Variants in ARMC2 observed in about 807,000 individuals in gnomAD.
ARMC2 encodes the protein armadillo repeat-containing protein 2.
Under a neutral mutation model 90.3 loss-of-function variants are expected in ARMC2, and 67 were observed. That is an observed-to-expected ratio of 0.74 (90% CI 0.61 to 0.91). ARMC2 has a LOEUF of 0.91. ARMC2 is among the 40% of genes least tolerant of loss of function. The probability of loss-of-function intolerance (pLI) is 0.00; values close to 1 mark genes in which losing one functional copy is unlikely to be tolerated. For missense variants in ARMC2, 920 were observed against 1,030.9 expected, an observed-to-expected ratio of 0.89 and a Z score of 1.47; for synonymous variants, 393 against 393.0, an observed-to-expected ratio of 1.00 and a Z score of 0.00.
At chr6:109,009,003 G>A in the ARMC2 span, 5 of 1,023,736 alleles carry the variant, frequency 4.9e-6, no homozygotes, top group Non-Finnish European at 5.9e-6. Flanking sequence ...CAAGACTCGA[G>A]GTCTGCTGGA....
intron 8 of ARMC2, chr6:108,907,993 C>G: frequency 1.1e-6 from 1 of 917,810 alleles, no homozygotes. Flanking sequence ...TTCCCATTTC[C>G]TATTTTCCTC....
At chr6:109,009,617 C>A in the ARMC2 span, 1 of 1,001,746 alleles carries the variant, frequency 1.0e-6, no homozygotes. Context: ...CGTCATTTCA[C>A]CGCCCTGGCG....
chr6:108,988,991 C>T, the ARMC2 span, among the ~76,000 whole-genome samples: 4 of 152,134 alleles, frequency 2.6e-5, no homozygotes, highest in Non-Finnish European at 5.9e-5. Context: ...ATCATGAACA[C>T]GTAGCCACAC....
At chr6:108,977,345 A>G (rs1779002698), downstream of ARMC2, among the ~76,000 whole-genome samples, 1 of 152,222 alleles carries the variant, frequency 6.6e-6, no homozygotes, top group Non-Finnish European at 1.5e-5. Context: ...CCAGAGGTGA[A>G]GCCAACTTGA....
the ARMC2 span, among the ~76,000 whole-genome samples, chr6:109,002,744 T>G: frequency 6.6e-6 from 1 of 152,166 alleles, no homozygotes; most frequent in Non-Finnish European, 1.5e-5. Flanking sequence ...AAGCAGTACT[T>G]CCACCTAGGT....
chr6:108,858,710 G>T (rs929753006), intron 3 of ARMC2, among the ~76,000 whole-genome samples: 8 of 151,614 alleles, frequency 5.3e-5, no homozygotes, highest in African/African-American at 1.7e-4. Flanking sequence ...TGTATTCAAA[G>T]ATTTATTACA....
At chr6:109,049,308 T>C in the ARMC2 span, among the ~76,000 whole-genome samples, 1 of 151,618 alleles carries the variant, frequency 6.6e-6, no homozygotes, top group African/African-American at 2.4e-5. Flanking sequence ...CTCACTCATA[T>C]GTGAAAGCCA....
rs200548307 is a variant in ARMC2 at position 108,928,277 on chromosome 6, G to C, written c.1496+44G>C. On this transcript the variant is annotated intron_variant, in intron 11 of 17. Coordinates refer to ENST00000392644, the MANE Select transcript of ARMC2 (RefSeq NM_032131.6). Reference sequence around the variant, plus strand: ...GAAGTAGCCTTACAAAAATGCTAATGCTTAGATTTGGGGTTATCTTTAATA... The same window carrying C: ...GAAGTAGCCTTACAAAAATGCTAATCCTTAGATTTGGGGTTATCTTTAATA... The C allele has an allele frequency of 1.3e-5, 19 of 1,420,336 alleles. No individual in the cohort carries two copies. The East Asian group carries it at 4.9e-4, about 36-fold the overall frequency. The allele number at this position is 1,420,336 out of a possible 1,614,324, so 88.0% of individuals were successfully genotyped here. A position where few individuals can be genotyped will look rare whatever the true frequency, so the allele number is the denominator to read the frequency against.
At chr6:108,964,957 C>T (rs1255856139) in intron 16 of ARMC2, 23 bp from the exon 17 acceptor site, 1 of 1,555,710 alleles carries the variant, frequency 6.4e-7, no homozygotes, top group African/African-American at 1.4e-5. Context: ...AATAACTTCT[C>T]AATTTGAATT....
intron 3 of ARMC2, among the ~76,000 whole-genome samples, chr6:108,860,870 T>C (rs1390405677): frequency 1.3e-5 from 2 of 152,218 alleles, no homozygotes; most frequent in South Asian, 4.1e-4. Context: ...GATGTTAAAG[T>C]CTGGTTGCTA....
chr6:108,985,759 T>G, the ARMC2 span, among the ~76,000 whole-genome samples: 3 of 152,164 alleles, frequency 2.0e-5, no homozygotes, highest in African/African-American at 7.2e-5. Flanking sequence ...ATTTTAACTA[T>G]CTTCTTGGGT....
the ARMC2 span, chr6:108,988,630 A>C: frequency 6.2e-7 from 1 of 1,612,866 alleles, no homozygotes; most frequent in Non-Finnish European, 8.5e-7. Flanking sequence ...TTTTGATATA[A>C]ACTTTAAAGC....
chr6:109,025,481 A>G, the ARMC2 span, among the ~76,000 whole-genome samples: 1 of 151,148 alleles, frequency 6.6e-6, no homozygotes, highest in African/African-American at 2.4e-5. Context: ...GACTACAGGA[A>G]ACAATAATCA....
chr6:108,941,479 G>T (rs567113876), intron 12 of ARMC2, among the ~76,000 whole-genome samples: 1 of 152,190 alleles, frequency 6.6e-6, no homozygotes, highest in Non-Finnish European at 1.5e-5. Context: ...GCATGCCAGG[G>T]CATTGTTTAA....
chr6:109,007,622 C>T, the ARMC2 span, among the ~76,000 whole-genome samples: 45 of 148,508 alleles, frequency 3.0e-4, no homozygotes, highest in African/African-American at 6.1e-4. Flanking sequence ...TGGGAGATTG[C>T]CTATAGCTGG....
At chr6:109,038,911 AAGG>A in the ARMC2 span, among the ~76,000 whole-genome samples, 518 of 149,890 alleles carry the variant, frequency 3.5e-3, 1 homozygote, top group African/African-American at 8.9e-3. Context: ...AGAAAAAAGG[AAGG>A]AGGAGGAGGA....
At chr6:108,927,206 G>C (rs1376170149) in intron 10 of ARMC2, among the ~76,000 whole-genome samples, 1 of 152,204 alleles carries the variant, frequency 6.6e-6, no homozygotes, top group African/African-American at 2.4e-5. Context: ...AAATGGGGAA[G>C]TGGAGGAAGG....
chr6:108,927,091 T>A (rs1488098866), intron 10 of ARMC2, among the ~76,000 whole-genome samples: 1 of 152,212 alleles, frequency 6.6e-6, no homozygotes, highest in East Asian at 1.9e-4. Flanking sequence ...CATGATGCTT[T>A]ACAGTATTAG....
the ARMC2 span, among the ~76,000 whole-genome samples, chr6:109,004,196 A>T: frequency 1.3e-5 from 2 of 152,210 alleles, no homozygotes; most frequent in African/African-American, 4.8e-5. Flanking sequence ...AAAACATTAT[A>T]GTACTAGAAG....
Sources: allele counts gnomAD v4.1 joint callset (sites outside exome capture counted in the v4.1 genomes callset), GRCh38; gene constraint gnomAD v4.1.1; transcripts MANE v1.5; gene names NCBI Gene and HGNC (gene_info 2026-07-23, HGNC 2026-07-21).